The following DPYSL3 variants were observed in gnomAD, a reference collection of about 807,000 sequenced individuals.
DPYSL3 encodes the protein dihydropyrimidinase like 3, also known as dihydropyrimidinase-related protein 3.
A neutral mutation model predicts 66.1 loss-of-function variants in DPYSL3; 16 were observed. That is an observed-to-expected ratio of 0.24 (90% CI 0.16 to 0.37). The LOEUF (loss-of-function observed/expected upper bound fraction) is 0.37, where lower values mean the gene tolerates loss of function less well. Ranked by LOEUF, DPYSL3 falls within the 10% of genes least tolerant of loss-of-function variation. DPYSL3 has a pLI of 1.00. For missense variants in DPYSL3, 738 were observed against 916.2 expected (o/e 0.81, Z 2.51); for synonymous variants, 338 against 345.1 (o/e 0.98, Z 0.23).
chr5:147,447,430 G>A (rs1175079659), intron 1 of DPYSL3, among the ~76,000 whole-genome samples: 1 of 152,186 alleles, frequency 6.6e-6, no homozygotes, highest in Non-Finnish European at 1.5e-5. Flanking sequence ...AGCAAAAGGA[G>A]TCTGAAAATA....
chr5:147,497,707 T>TA (rs35494023), intron 1 of DPYSL3, among the ~76,000 whole-genome samples: 2,672 of 146,572 alleles, frequency 0.018, 44 homozygotes, highest in Admixed American at 0.026. Context: ...CCATTCATGA[T>TA]AAAAAAAAAA....
At chr5:147,483,332 G>C (rs908749193) in intron 1 of DPYSL3, among the ~76,000 whole-genome samples, 1 of 152,182 alleles carries the variant, frequency 6.6e-6, no homozygotes, top group Non-Finnish European at 1.5e-5. Flanking sequence ...AGGAAGCCAG[G>C]TGCTTTGAAT....
intron 1 of DPYSL3, among the ~76,000 whole-genome samples, chr5:147,431,105 C>T (rs1340505972): frequency 6.6e-6 from 1 of 152,130 alleles, no homozygotes; most frequent in Non-Finnish European, 1.5e-5. Context: ...GATTTGATTT[C>T]CTAAAACACT....
intron 1 of DPYSL3, among the ~76,000 whole-genome samples, chr5:147,460,382 G>T (rs1251520360): frequency 6.6e-6 from 1 of 152,148 alleles, no homozygotes; most frequent in South Asian, 2.1e-4. Flanking sequence ...AGCTATATAT[G>T]TTCATGGGTT....
intron 2 of DPYSL3, 29 bp from the exon 3 acceptor site, chr5:147,418,660 T>C: frequency 6.5e-7 from 1 of 1,549,496 alleles, no homozygotes; most frequent in Non-Finnish European, 8.8e-7. Context: ...AAAAAAATGA[T>C]CAAACACTTG....
chr5:147,486,700 A>G (rs919495000), intron 1 of DPYSL3, among the ~76,000 whole-genome samples: 1 of 151,878 alleles, frequency 6.6e-6, no homozygotes, highest in Non-Finnish European at 1.5e-5. Context: ...ACACTGAGTA[A>G]ACATCTGTTG....
At chr5:147,507,270 T>C (rs1328081589) in intron 1 of DPYSL3, among the ~76,000 whole-genome samples, 1 of 152,082 alleles carries the variant, frequency 6.6e-6, no homozygotes, top group African/African-American at 2.4e-5. Context: ...GGAAATATAT[T>C]TACCCTTATA....
chr5:147,411,725 C>A (rs190527954), intron 6 of DPYSL3, among the ~76,000 whole-genome samples: 1 of 152,320 alleles, frequency 6.6e-6, no homozygotes, highest in Admixed American at 6.5e-5. Flanking sequence ...TACACCCCTG[C>A]TGACCACATT....
chr5:147,454,998 C>T (rs1347738834), intron 1 of DPYSL3, among the ~76,000 whole-genome samples: 2 of 152,080 alleles, frequency 1.3e-5, no homozygotes, highest in Non-Finnish European at 2.9e-5. Context: ...GACAATTTTC[C>T]CACCGCTCCC....
intron 1 of DPYSL3, among the ~76,000 whole-genome samples, chr5:147,471,428 T>C (rs1753084211): frequency 6.6e-6 from 1 of 152,198 alleles, no homozygotes; most frequent in African/African-American, 2.4e-5. Flanking sequence ...TTTACATTAG[T>C]TTCCTCTCCA....
At chr5:147,504,888 G>A (rs1281580172) in intron 1 of DPYSL3, among the ~76,000 whole-genome samples, 1 of 152,164 alleles carries the variant, frequency 6.6e-6, no homozygotes, top group African/African-American at 2.4e-5. Flanking sequence ...GAGTCCTTAT[G>A]ATATAATTTG....
intron 4 of DPYSL3, among the ~76,000 whole-genome samples, chr5:147,414,219 CCTGGGATCAGTTCATTTTA>C (rs1751917038): frequency 6.6e-6 from 1 of 152,172 alleles, no homozygotes; most frequent in Non-Finnish European, 1.5e-5. Context: ...TAATGGATCT[CCTGGGATCAGTTCATTTTA>C]CTGTGCAGGG....
intron 11 of DPYSL3, among the ~76,000 whole-genome samples, chr5:147,398,118 C>A (rs1758051125): frequency 6.6e-6 from 1 of 152,310 alleles, no homozygotes; most frequent in East Asian, 1.9e-4. Context: ...CAAAGAGAAG[C>A]TGGATAACTA....
chr5:147,472,197 G>C (rs1753097101), intron 1 of DPYSL3, among the ~76,000 whole-genome samples: 1 of 152,160 alleles, frequency 6.6e-6, no homozygotes, highest in East Asian at 1.9e-4. Flanking sequence ...CTAGAAAATA[G>C]GTTTGGGGCA....
intron 1 of DPYSL3, among the ~76,000 whole-genome samples, chr5:147,428,660 T>A (rs200924192): frequency 6.6e-6 from 1 of 152,062 alleles, no homozygotes. Context: ...TAAAAGTTGC[T>A]CTCTCCTTGG....
intron 13 of DPYSL3, among the ~76,000 whole-genome samples, 191 bp downstream of exon 13, chr5:147,395,368 T>G (rs1427782144): frequency 6.6e-6 from 1 of 152,186 alleles, no homozygotes; most frequent in African/African-American, 2.4e-5. Context: ...CTTGTCTTAC[T>G]TTCTTACCAG....
intron 1 of DPYSL3, among the ~76,000 whole-genome samples, chr5:147,497,764 A>G (rs1326091448): frequency 6.6e-6 from 1 of 152,176 alleles, no homozygotes; most frequent in Non-Finnish European, 1.5e-5. Context: ...AGCTTGATAA[A>G]GAATACGCTC....
intron 1 of DPYSL3, among the ~76,000 whole-genome samples, chr5:147,430,138 G>C (rs891623272): frequency 6.6e-6 from 1 of 151,926 alleles, no homozygotes; most frequent in Non-Finnish European, 1.5e-5. Context: ...AAGAGAGAGA[G>C]AAAGCAAAAG....
At chr5:147,477,081 G>GA (rs1421384254) in intron 1 of DPYSL3, among the ~76,000 whole-genome samples, 1 of 152,008 alleles carries the variant, frequency 6.6e-6, no homozygotes, top group African/African-American at 2.4e-5. Flanking sequence ...CAATTACATA[G>GA]AAAAAATAAA....
Sources: gnomAD v4.1 joint callset for allele counts (sites outside exome capture counted in the v4.1 genomes callset) on GRCh38, gnomAD v4.1.1 for gene constraint, MANE v1.5 for transcripts, NCBI Gene and HGNC (gene_info 2026-07-23, HGNC 2026-07-21) for gene names.